COX15: variants seen among roughly 807,000 people sequenced by gnomAD.
COX15 encodes heme A synthase COX15.
COX15 carries 51 observed loss-of-function variants against 51.9 expected under a neutral mutation model. The ratio of observed to expected loss-of-function variants is 0.98; its 90% CI spans 0.78 to 1.24. The LOEUF (loss-of-function observed/expected upper bound fraction) is 1.24, where lower values mean the gene tolerates loss of function less well. Among genes scored for constraint, COX15 ranks in the 50% most tolerant of loss-of-function variants. The pLI is 0.00. For missense variants in COX15, 420 were observed against 501.1 expected, an observed-to-expected ratio of 0.84 and a Z score of 1.55; for synonymous variants, 188 against 190.5, an observed-to-expected ratio of 0.99 and a Z score of 0.11.
the COX15 span, chr10:99,702,362 C>A: frequency 1.7e-6 from 1 of 573,824 alleles, no homozygotes; most frequent in Non-Finnish European, 2.9e-6. Flanking sequence ...AGTAGGCTGA[C>A]TTAGAAATAA....
chr10:99,704,999 T>G, the COX15 span: 3 of 313,970 alleles, frequency 9.6e-6, no homozygotes, highest in Non-Finnish European at 1.8e-5. Context: ...TTTTCTTCCC[T>G]TGCTAAAGCA....
chr10:99,731,896 C>G, intron 1 of COX15, 64 bp downstream of exon 1: 2 of 1,551,942 alleles, frequency 1.3e-6, no homozygotes, highest in Non-Finnish European at 1.7e-6. Context: ...TCTACATTAT[C>G]TTTATCCCGG....
Position 99,711,859 on chromosome 10 carries a change from G to A in COX15, c.*2728C>T. The A allele has an allele frequency of 1.0e-6, 1 of 980,534 alleles. No homozygotes were observed. Among genetic ancestry groups the A allele is most frequent in the Non-Finnish European group, 1.2e-6 (1 of 825,508 alleles). 60.7% of individuals were successfully genotyped at this position (980,534 alleles called of 1,614,324 possible). ...ATACTGACAATTTTTAGAAAGAAAA[G>A]AGGTTTATTTGGCTCACTGTTCTGC... On this transcript the variant is annotated 3_prime_UTR_variant, in exon 9 of 9. Transcript: ENST00000016171.
At chr10:99,718,045 G>C (rs1001548137) in intron 7 of COX15, among the ~76,000 whole-genome samples, 36 of 151,718 alleles carry the variant, frequency 2.4e-4, no homozygotes, top group African/African-American at 8.7e-4. Flanking sequence ...GACTTTCTAG[G>C]TACGTGCAGA....
intron 4 of COX15, 101 bp from the exon 5 acceptor site, chr10:99,724,224 C>A (rs2036873353): frequency 1.4e-6 from 2 of 1,387,666 alleles, no homozygotes; most frequent in Non-Finnish European, 2.0e-6. Flanking sequence ...CACTCTGTCA[C>A]CAGGCTGGAG....
At position 99,715,910 on chromosome 10, in the gene COX15, T is replaced by C. The variant is rs184779594; in HGVS notation, c.1101+438A>G. Among the ~76,000 whole-genome samples, 266 of 152,220 alleles carry C rather than the reference T, an allele frequency of 1.7e-3. 1 individual carries two copies. The highest frequency in any genetic ancestry group is 2.4e-3 in the Non-Finnish European group (166 of 68,016). ...TGTGGTAATTGTGTATTGATGTCCT[T>C]TACTTATTTTCCGGTTATTAATCTT... On this transcript the variant is annotated intron_variant, in intron 8 of 8. Coordinates refer to ENST00000016171, the MANE Select transcript of COX15 (RefSeq NM_078470.6).
chr10:99,695,277 C>G, the COX15 span, among the ~76,000 whole-genome samples: 306 of 152,022 alleles, frequency 2.0e-3, 1 homozygote, highest in African/African-American at 6.9e-3. Flanking sequence ...GTAATCCCAG[C>G]ACTTTGGGAG....
intron 5 of COX15, among the ~76,000 whole-genome samples, 170 bp downstream of exon 5, chr10:99,723,783 CTTG>C (rs916076241): frequency 3.9e-5 from 6 of 152,166 alleles, no homozygotes; most frequent in African/African-American, 1.4e-4. Flanking sequence ...TGGGATATTT[CTTG>C]TTGTTGGTAC....
rs2036360861 is a variant in COX15, at chr10:99,710,912, A to G, written c.*3675T>C. 4.1e-6 allele frequency: 4 copies of G among 985,284 alleles called. No individual in the cohort carries two copies. The highest frequency in any genetic ancestry group is 6.1e-5 in the Admixed American group (1 of 16,274). The allele number at this position is 985,284 out of a possible 1,614,324, so 61.0% of individuals were successfully genotyped here. Reference sequence around the variant, plus strand: ...TAATTTCCTTCATGTTTTAAAAACAATGGACGTAAGTGCAGAGAGACCTTT... The same window carrying G: ...TAATTTCCTTCATGTTTTAAAAACAGTGGACGTAAGTGCAGAGAGACCTTT... On this transcript the variant is annotated 3_prime_UTR_variant, in exon 9 of 9. Coordinates refer to ENST00000016171, the MANE Select transcript of COX15 (RefSeq NM_078470.6).
At chr10:99,710,452 A>T, downstream of COX15, 2 of 985,280 alleles carry the variant, frequency 2.0e-6, no homozygotes, top group Non-Finnish European at 2.4e-6. Flanking sequence ...TATGATCTAC[A>T]CTTTAAAAAA....
chr10:99,713,570 G>C lies in COX15; in HGVS notation c.*1017C>G. ...AGATGTCCATGCACTACACCATCAA[G>C]GCCATATTTTTCTTATTACAAAGCT... On this transcript the variant is annotated 3_prime_UTR_variant, in exon 9 of 9. Transcript: ENST00000016171. The C allele has an allele frequency of 6.5e-7, 1 of 1,535,368 alleles. No individual in the cohort carries two copies. Among genetic ancestry groups the C allele is most frequent in the Non-Finnish European group, 8.8e-7 (1 of 1,138,868 alleles).
intron 7 of COX15, among the ~76,000 whole-genome samples, chr10:99,717,686 C>T (rs1475236148): frequency 6.6e-6 from 1 of 152,140 alleles, no homozygotes; most frequent in Non-Finnish European, 1.5e-5. Flanking sequence ...CCATGCCCAG[C>T]CTCTCTATTC....
rs554435677 is a variant in COX15 at position 99,732,060 on chromosome 10, G to A, written c.-11C>T. ...GAGCAATCGCTGCATACTGATGACA[G>A]GGAACAGCCACCTCTTCCACAACCC... is the stretch of plus-strand genomic sequence containing the variant. On this transcript the variant is annotated 5_prime_UTR_variant, in exon 1 of 9. Coordinates refer to ENST00000016171, the MANE Select transcript of COX15 (RefSeq NM_078470.6). 8.1e-6 allele frequency: 13 copies of A among 1,610,958 alleles called. No homozygotes were observed. The highest frequency in any genetic ancestry group is 6.7e-5 in the East Asian group (3 of 44,800).
At chr10:99,700,891 A>G in the COX15 span, 5 of 1,155,762 alleles carry the variant, frequency 4.3e-6, no homozygotes, top group African/African-American at 6.1e-5. Context: ...GTAACTTTAG[A>G]AATGGAACAG....
the COX15 span, among the ~76,000 whole-genome samples, chr10:99,704,058 A>C: frequency 6.6e-6 from 1 of 152,196 alleles, no homozygotes; most frequent in Non-Finnish European, 1.5e-5. Context: ...ATTTAGACAC[A>C]CACACTCTGA....
chr10:99,726,055 G>A (rs2036940438), intron 4 of COX15, among the ~76,000 whole-genome samples: 1 of 151,566 alleles, frequency 6.6e-6, no homozygotes, highest in Non-Finnish European at 1.5e-5. Flanking sequence ...CATTCTAGCA[G>A]TACTAACCTG....
chr10:99,725,343 T>G (rs919332712), intron 4 of COX15, among the ~76,000 whole-genome samples: 1 of 152,380 alleles, frequency 6.6e-6, no homozygotes, highest in Middle Eastern at 3.4e-3. Flanking sequence ...ACGTACACAG[T>G]TGATTCACTA....
At position 99,724,181 on chromosome 10, in the gene COX15, T is replaced by C. The variant is rs74152725; in HGVS notation, c.583-58A>G. 2.9e-4 allele frequency: 459 copies of C among 1,602,966 alleles called. 2 individuals are homozygous for C. In the African/African-American group the frequency reaches 5.5e-3, roughly 19 times the overall value. On this transcript the variant is annotated intron_variant, in intron 4 of 8. Coordinates refer to ENST00000016171, the MANE Select transcript of COX15 (RefSeq NM_078470.6). ...AAGGTTAAAATGATCTGTTCAACTT[T>C]CTTTTTTTTGTTGTTTTTTTGAGAC...
chr10:99,714,054 T>C lies in COX15; in HGVS notation c.*533A>G. 9.9e-7 allele frequency: 1 copy of C among 1,012,602 alleles called. No individual in the cohort carries two copies. Among genetic ancestry groups the C allele is most frequent in the Non-Finnish European group, 1.2e-6 (1 of 846,196 alleles). 62.7% of individuals were successfully genotyped at this position (1,012,602 alleles called of 1,614,324 possible). On this transcript the variant is annotated 3_prime_UTR_variant, in exon 9 of 9. Transcript: ENST00000016171. Reference sequence around the variant, plus strand: ...AAACCATTTTGCTACATATACACATTAAGCTTGTCAAAATCTGCAATTTCC... The same window carrying C: ...AAACCATTTTGCTACATATACACATCAAGCTTGTCAAAATCTGCAATTTCC...
Sources: allele counts gnomAD v4.1 joint callset (sites outside exome capture counted in the v4.1 genomes callset), GRCh38; gene constraint gnomAD v4.1.1; transcripts MANE v1.5; gene names NCBI Gene and HGNC (gene_info 2026-07-23, HGNC 2026-07-21).